Variants in LARGE1 observed in about 807,000 individuals in gnomAD.
The protein encoded by LARGE1 is xylosyl- and glucuronyltransferase LARGE1.
Under a neutral mutation model 87.6 loss-of-function variants are expected in LARGE1, and 43 were observed. That is an observed-to-expected ratio of 0.49 (90% CI 0.38 to 0.63). The LOEUF (loss-of-function observed/expected upper bound fraction) is 0.63. Ranked by LOEUF, LARGE1 falls within the 30% of genes least tolerant of loss-of-function variation. The probability of loss-of-function intolerance (pLI) is 0.00; values close to 1 mark genes in which losing one functional copy is unlikely to be tolerated. For missense variants in LARGE1, 802 were observed against 1,000.2 expected (o/e 0.80, Z 2.67); for synonymous variants, 434 against 394.6 (o/e 1.10, Z -1.18).
In LARGE1 at chr22:33,538,211, C is replaced by T. The variant is rs1043110503; in HGVS notation, c.787+26637G>A. ...CCCAGCTCTAGTGCTTCCCCTCAACCTCACCTACCCCAAGTGGAAGTAACT... is the reference window on the plus strand; with the variant it reads ...CCCAGCTCTAGTGCTTCCCCTCAACTTCACCTACCCCAAGTGGAAGTAACT... On this transcript the variant is annotated intron_variant, in intron 6 of 14. Transcript: ENST00000397394. Among the ~76,000 whole-genome samples the T allele has an allele frequency of 3.9e-5, 6 of 152,216 alleles. No individual in the cohort carries two copies. The East Asian group carries it at 9.6e-4, about 24-fold the overall frequency.
At chr22:33,069,194 C>T in the LARGE1 span, among the ~76,000 whole-genome samples, 1 of 152,086 alleles carries the variant, frequency 6.6e-6, no homozygotes, top group Non-Finnish European at 1.5e-5. Context: ...CGCCATTCCT[C>T]ATTCGGCCGT....
At chr22:33,367,584 TC>T (rs2064642837) in intron 9 of LARGE1, among the ~76,000 whole-genome samples, 1 of 151,918 alleles carries the variant, frequency 6.6e-6, no homozygotes, top group Non-Finnish European at 1.5e-5. Flanking sequence ...CCCACTCCCA[TC>T]CCCCCATTTA....
chr22:33,692,751 C>T (rs1412155963), intron 2 of LARGE1, among the ~76,000 whole-genome samples: 1 of 152,172 alleles, frequency 6.6e-6, no homozygotes, highest in Admixed American at 6.5e-5. Context: ...GCTAAAAGTA[C>T]TGTATCAATT....
chr22:33,500,441 C>A (rs955216636), intron 6 of LARGE1, among the ~76,000 whole-genome samples: 1 of 152,174 alleles, frequency 6.6e-6, no homozygotes, highest in South Asian at 2.1e-4. Context: ...ATGATGTTGA[C>A]AATTAAAGCA....
At chr22:33,641,425 A>C (rs1481669227) in intron 3 of LARGE1, among the ~76,000 whole-genome samples, 1 of 152,208 alleles carries the variant, frequency 6.6e-6, no homozygotes, top group Non-Finnish European at 1.5e-5. Flanking sequence ...AGATGAAGAA[A>C]AACCACTGCA....
chr22:33,302,010 T>C (rs549841004), intron 12 of LARGE1, among the ~76,000 whole-genome samples: 3 of 152,328 alleles, frequency 2.0e-5, no homozygotes, highest in African/African-American at 7.2e-5. Flanking sequence ...TCACTTTCAA[T>C]TGGCTGGAGC....
At chr22:33,523,672 A>T in intron 6 of LARGE1, among the ~76,000 whole-genome samples, 1 of 127,876 alleles carries the variant, frequency 7.8e-6, no homozygotes, top group Non-Finnish European at 1.8e-5. Flanking sequence ...TGTCCATCAT[A>T]TCATTTCTTT....
Position 33,645,304 on chromosome 22 carries a change from C to G in LARGE1, c.408+5063G>C, listed in dbSNP as rs984785278. Among the ~76,000 whole-genome samples the G allele has an allele frequency of 3.9e-5, 6 of 152,264 alleles. No homozygotes were observed. The South Asian group carries it at 6.2e-4, about 16-fold the overall frequency. ...AAATTAACCACACATTTACAACTATCTGATCTTTGACAAACCTGACAAAAA... is the reference window on the plus strand; with the variant it reads ...AAATTAACCACACATTTACAACTATGTGATCTTTGACAAACCTGACAAAAA... On this transcript the variant is annotated intron_variant, in intron 3 of 14. Coordinates refer to ENST00000397394, the MANE Select transcript of LARGE1 (RefSeq NM_133642.5).
intron 1 of LARGE1, among the ~76,000 whole-genome samples, chr22:33,772,320 G>T (rs1397296448): frequency 6.9e-6 from 1 of 144,764 alleles, no homozygotes; most frequent in Admixed American, 6.8e-5. Context: ...GCAACAGAGC[G>T]AGACTCTGCC....
At chr22:33,426,468 G>T (rs1324038818) in intron 7 of LARGE1, among the ~76,000 whole-genome samples, 1 of 152,220 alleles carries the variant, frequency 6.6e-6, no homozygotes, top group African/African-American at 2.4e-5. Flanking sequence ...AAGATGCAGA[G>T]AAATGAAGGG....
intron 11 of LARGE1, among the ~76,000 whole-genome samples, chr22:33,254,585 C>A (rs936287650): frequency 1.3e-5 from 2 of 152,198 alleles, no homozygotes; most frequent in Non-Finnish European, 2.9e-5. Context: ...AGTTTAAATT[C>A]CAGGTCTGCC....
At chr22:33,795,532 A>G (rs2085951532) in intron 1 of LARGE1, among the ~76,000 whole-genome samples, 1 of 152,172 alleles carries the variant, frequency 6.6e-6, no homozygotes, top group Non-Finnish European at 1.5e-5. Context: ...AGGACTATAA[A>G]TCATGCTGCT....
chr22:33,468,915 T>TTTTC (rs2068721546), intron 6 of LARGE1, among the ~76,000 whole-genome samples: 2 of 152,210 alleles, frequency 1.3e-5, no homozygotes, highest in Non-Finnish European at 2.9e-5. Flanking sequence ...CACCAACTTA[T>TTTTC]ACCATTGCCA....
At chr22:33,749,355 C>T (rs2084225218) in intron 2 of LARGE1, among the ~76,000 whole-genome samples, 2 of 152,174 alleles carry the variant, frequency 1.3e-5, no homozygotes, top group South Asian at 2.1e-4. Context: ...CTCAGGTACC[C>T]GCCCTCCTCA....
intron 1 of LARGE1, among the ~76,000 whole-genome samples, chr22:33,900,087 C>A (rs2065244213): frequency 6.6e-6 from 1 of 152,160 alleles, no homozygotes; most frequent in Non-Finnish European, 1.5e-5. Flanking sequence ...AAATACAGCT[C>A]ATGAAAACAA....
intron 1 of LARGE1, among the ~76,000 whole-genome samples, chr22:33,849,476 C>T (rs1490380417): frequency 2.6e-5 from 4 of 151,950 alleles, no homozygotes; most frequent in African/African-American, 2.4e-5. Context: ...ATCCTTCAAA[C>T]GAGGGATGCG....
At chr22:33,434,236 T>C (rs1025373856) in intron 6 of LARGE1, among the ~76,000 whole-genome samples, 1 of 152,202 alleles carries the variant, frequency 6.6e-6, no homozygotes, top group East Asian at 1.9e-4. Flanking sequence ...AGTGTCATTG[T>C]TGGGGGAGAG....
At chr22:33,173,977 T>C (rs897382285) in intron 11 of LARGE1, among the ~76,000 whole-genome samples, 1 of 152,220 alleles carries the variant, frequency 6.6e-6, no homozygotes, top group Non-Finnish European at 1.5e-5. Flanking sequence ...AACTCAGCTC[T>C]GGACCAACTG....
chr22:33,261,681 C>T (rs953954353), intron 11 of LARGE1, among the ~76,000 whole-genome samples: 15 of 151,486 alleles, frequency 9.9e-5, no homozygotes, highest in Non-Finnish European at 1.5e-4. Flanking sequence ...GTGAATTATA[C>T]TGACTTTCTG....
Sources: allele counts gnomAD v4.1 joint callset (sites outside exome capture counted in the v4.1 genomes callset), GRCh38; gene constraint gnomAD v4.1.1; transcripts MANE v1.5; gene names NCBI Gene and HGNC (gene_info 2026-07-23, HGNC 2026-07-21).